TTLL5: variants seen among roughly 807,000 people sequenced by gnomAD.
TTLL5 encodes the protein tubulin polyglutamylase TTLL5.
TTLL5 carries 132 observed loss-of-function variants against 168.4 expected under a neutral mutation model. The ratio of observed to expected loss-of-function variants is 0.78; its 90% CI spans 0.68 to 0.91. The LOEUF is 0.91. Ranked by LOEUF, TTLL5 falls within the 40% of genes least tolerant of loss-of-function variation. The pLI, the probability that TTLL5 is intolerant of heterozygous loss-of-function variation, is 0.00. For synonymous variants in TTLL5, 546 were observed against 558.6 expected, an observed-to-expected ratio of 0.98 and a Z score of 0.32; for missense variants, 1,545 against 1,581.5, an observed-to-expected ratio of 0.98 and a Z score of 0.39.
intron 31 of TTLL5, among the ~76,000 whole-genome samples, chr14:75,932,921 C>G (rs2034321806): frequency 6.6e-6 from 1 of 152,150 alleles, no homozygotes; most frequent in African/African-American, 2.4e-5. Context: ...AGAACGATCT[C>G]AGTCTTCAGT....
intron 28 of TTLL5, among the ~76,000 whole-genome samples, chr14:75,842,636 A>G (rs1406874163): frequency 6.6e-6 from 1 of 152,206 alleles, no homozygotes; most frequent in Non-Finnish European, 1.5e-5. Flanking sequence ...AAAAAAGCTT[A>G]AGGAAAATAT....
intron 26 of TTLL5, among the ~76,000 whole-genome samples, chr14:75,787,033 T>C (rs2038064703): frequency 6.6e-6 from 1 of 152,044 alleles, no homozygotes. Context: ...CTCAGGAGGT[T>C]GAGGCAAGAG....
chr14:75,925,386 C>T (rs1186668516), intron 31 of TTLL5, among the ~76,000 whole-genome samples: 2 of 112,972 alleles, frequency 1.8e-5, no homozygotes, highest in East Asian at 2.5e-4. Flanking sequence ...GGGTCGCGAC[C>T]GGGCAGAGGC....
At chr14:75,908,200 A>T (rs1057274592) in intron 31 of TTLL5, among the ~76,000 whole-genome samples, 1 of 152,252 alleles carries the variant, frequency 6.6e-6, no homozygotes, top group East Asian at 1.9e-4. Flanking sequence ...GTGTGTATGG[A>T]CAAAGAGGAC....
At chr14:75,822,607 A>G (rs1337138045) in intron 28 of TTLL5, among the ~76,000 whole-genome samples, 1 of 152,230 alleles carries the variant, frequency 6.6e-6, no homozygotes, top group Non-Finnish European at 1.5e-5. Context: ...TGGTAGCCAC[A>G]GGAATGAAAA....
intron 31 of TTLL5, among the ~76,000 whole-genome samples, chr14:75,946,839 A>G (rs2034789300): frequency 6.6e-6 from 1 of 152,184 alleles, no homozygotes; most frequent in East Asian, 1.9e-4. Context: ...TGCGGTGAGA[A>G]CTGAAGAAGG....
In TTLL5 at chr14:75,820,178, G is replaced by C. The variant is rs942537300; in HGVS notation, c.3326+17G>C. The C allele has an allele frequency of 2.6e-6, 4 of 1,558,020 alleles. No homozygotes were observed. The South Asian group carries it at 3.7e-5, about 14-fold the overall frequency. On this transcript the variant is annotated intron_variant, in intron 28 of 31. Transcript: ENST00000298832. ...TGGAAGCAGGTATGTGAAGGGCCCT[G>C]CAACTAGCATTTGGGTTACTCAGGG...
At chr14:75,811,156 A>AGAGTGTGT (rs60194482) in intron 27 of TTLL5, among the ~76,000 whole-genome samples, 35,944 of 115,968 alleles carry the variant, frequency 0.31, 6,240 homozygotes, top group Admixed American at 0.41. Flanking sequence ...TGAAAGAAAG[A>AGAGTGTGT]GTGTGTGTGT....
chr14:75,889,561 C>T (rs1433705894), intron 30 of TTLL5, among the ~76,000 whole-genome samples: 1 of 152,134 alleles, frequency 6.6e-6, no homozygotes, highest in African/African-American at 2.4e-5. Context: ...TGCGGTGCCT[C>T]ACACCTGTAA....
intron 18 of TTLL5, among the ~76,000 whole-genome samples, chr14:75,756,151 T>G (rs1890247830): frequency 6.6e-6 from 1 of 152,164 alleles, no homozygotes; most frequent in Non-Finnish European, 1.5e-5. Context: ...TATCAGGACA[T>G]TAACATGGAT....
chr14:75,833,578 G>A (rs887112586), intron 28 of TTLL5, among the ~76,000 whole-genome samples: 2 of 152,170 alleles, frequency 1.3e-5, no homozygotes, highest in African/African-American at 2.4e-5. Flanking sequence ...CTCTAAAATA[G>A]AGAATAAATG....
At chr14:75,906,377 C>G (rs548992789) in intron 31 of TTLL5, among the ~76,000 whole-genome samples, 27 of 152,170 alleles carry the variant, frequency 1.8e-4, no homozygotes, top group African/African-American at 6.3e-4. Flanking sequence ...GGTTGATCAC[C>G]CACTTTTACG....
intron 27 of TTLL5, among the ~76,000 whole-genome samples, chr14:75,811,682 A>G (rs560640281): frequency 1.0e-3 from 158 of 152,218 alleles, no homozygotes; most frequent in African/African-American, 3.7e-3. Flanking sequence ...AGCACTTACT[A>G]TCTTTGAGGT....
At chr14:75,908,854 G>A (rs2033253754) in intron 31 of TTLL5, among the ~76,000 whole-genome samples, 2 of 152,054 alleles carry the variant, frequency 1.3e-5, no homozygotes, top group South Asian at 4.2e-4. Context: ...ACGGCTCACT[G>A]CAACCTCCGC....
rs1159674027 is a variant in TTLL5, at chr14:75,745,095, C to T, written c.1282C>T (p.Arg428Cys). The T allele has an allele frequency of 6.2e-6, 10 of 1,613,502 alleles. No homozygotes were observed. The highest frequency in any genetic ancestry group is 2.2e-5 in the South Asian group (2 of 91,012). Residue 428 changes from arginine to cysteine, a missense_variant and splice_region_variant, in exon 16 of 32, where the codon CGT (arginine) becomes TGT (cysteine). Physicochemically the swap from Arg to Cys is radical, Grantham distance 180. Transcript: ENST00000298832. ...SRRNPFQKPQ[R>C]CRPLSASDAE... The stretch of plus-strand genomic sequence containing the variant: ...ACTATTTTCATTTTCTTCTCCTTAG[C>T]GTTGCCGTCCACTCTCTGCCAGTGA...
At chr14:75,798,692 T>G (rs1893122125) in intron 27 of TTLL5, among the ~76,000 whole-genome samples, 1 of 152,184 alleles carries the variant, frequency 6.6e-6, no homozygotes, top group Non-Finnish European at 1.5e-5. Context: ...AAGGAATTTT[T>G]ACATTTCCAT....
chr14:75,938,902 T>G (rs1211598810), intron 31 of TTLL5, among the ~76,000 whole-genome samples: 1 of 152,190 alleles, frequency 6.6e-6, no homozygotes, highest in African/African-American at 2.4e-5. Flanking sequence ...GTAAAGAGCT[T>G]GATTGCCTAT....
chr14:75,839,454 T>A (rs1327945069), intron 28 of TTLL5, among the ~76,000 whole-genome samples: 2 of 152,158 alleles, frequency 1.3e-5, no homozygotes, highest in Non-Finnish European at 2.9e-5. Flanking sequence ...ACTGGGTGAT[T>A]TATAAAGAAA....
At chr14:75,843,488 CT>C (rs1408703013) in intron 28 of TTLL5, among the ~76,000 whole-genome samples, 1 of 152,176 alleles carries the variant, frequency 6.6e-6, no homozygotes, top group Non-Finnish European at 1.5e-5. Context: ...GTTGAGACAC[CT>C]TTAAAAGTTC....
Sources: allele counts gnomAD v4.1 joint callset (sites outside exome capture counted in the v4.1 genomes callset), GRCh38; gene constraint gnomAD v4.1.1; transcripts MANE v1.5; gene names NCBI Gene and HGNC (gene_info 2026-07-23, HGNC 2026-07-21).